The following UNC13C variants were observed in gnomAD, a reference collection of about 807,000 sequenced individuals.
UNC13C encodes the protein protein unc-13 homolog C.
UNC13C carries 174 observed loss-of-function variants against 245.4 expected under a neutral mutation model. The ratio of observed to expected loss-of-function variants is 0.71; its 90% CI spans 0.63 to 0.80. The LOEUF is 0.80. Among genes scored for constraint, UNC13C ranks in the 30% least tolerant of loss-of-function variants. UNC13C has a pLI of 0.00. For synonymous variants in UNC13C, 992 were observed against 895.1 expected (o/e 1.11, Z -1.93); for missense variants, 2,829 against 2,602.9 (o/e 1.09, Z -1.89).
At chr15:54,006,071 T>G (rs1366080506) in intron 1 of UNC13C, among the ~76,000 whole-genome samples, 5 of 152,144 alleles carry the variant, frequency 3.3e-5, no homozygotes, top group African/African-American at 1.2e-4. Flanking sequence ...TACTTCAGCA[T>G]CTCTGAGGCT....
chr15:54,026,076 ATTTAC>A (rs1045411136), intron 2 of UNC13C, among the ~76,000 whole-genome samples: 5 of 151,894 alleles, frequency 3.3e-5, no homozygotes, highest in African/African-American at 4.9e-5. Context: ...TAAAATGATA[ATTTAC>A]TTAATGTTTA....
In UNC13C at chr15:53,978,501, G is replaced by T. The variant is rs918995392; in HGVS notation, c.-683G>T. On this transcript the variant is annotated 5_prime_UTR_variant, in exon 1 of 33. Transcript: ENST00000260323. ...TTCCCAGCACGCACTCAGCCCGGCT[G>T]CTCCTCACCCTCAAATGTTGATGAG... Among the ~76,000 whole-genome samples, 1 of 152,192 alleles carries T rather than the reference G, an allele frequency of 6.6e-6. No individual in the cohort carries two copies. The highest frequency in any genetic ancestry group is 1.5e-5 in the Non-Finnish European group (1 of 68,024).
At chr15:54,258,837 G>C (rs1454415147) in intron 8 of UNC13C, among the ~76,000 whole-genome samples, 1 of 152,204 alleles carries the variant, frequency 6.6e-6, no homozygotes, top group Non-Finnish European at 1.5e-5. Flanking sequence ...AGAAGCTAAA[G>C]TTGAGAGAGA....
intron 29 of UNC13C, among the ~76,000 whole-genome samples, chr15:54,558,139 T>C (rs1030685836): frequency 1.3e-5 from 2 of 151,960 alleles, no homozygotes; most frequent in Non-Finnish European, 2.9e-5. Flanking sequence ...CATTGGGAGA[T>C]ATACCTAATG....
Position 54,264,337 on chromosome 15 carries a change from G to T in UNC13C, c.3618G>T (p.Ala1206=), listed in dbSNP as rs768570517. Residue 1206 remains alanine, a synonymous_variant, in exon 9 of 33, where the codon GCG becomes GCT. Transcript: ENST00000260323. ...SKEDFVQFTK[A]AKQSVLDGTS... ...AAGATTTTGTGCAGTTTACAAAGGC[G>T]GCCAAACAGAGTGTACTGGATGGGA... 17 of 1,606,530 alleles carry T rather than the reference G, an allele frequency of 1.1e-5. No homozygotes were observed. Among genetic ancestry groups the T allele is most frequent in the Non-Finnish European group, 1.7e-6 (2 of 1,176,298 alleles).
chr15:54,157,083 C>T (rs910456163), intron 4 of UNC13C, among the ~76,000 whole-genome samples: 1 of 152,178 alleles, frequency 6.6e-6, no homozygotes, highest in African/African-American at 2.4e-5. Context: ...GTTCCCCTCT[C>T]ACCAATTGAG....
At chr15:53,928,109 A>C in the UNC13C span, among the ~76,000 whole-genome samples, 1 of 139,062 alleles carries the variant, frequency 7.2e-6, no homozygotes, top group Non-Finnish European at 1.6e-5. Context: ...CGCTAGAGGA[A>C]TTAAAGACAC....
At chr15:54,394,222 C>T (rs918440585) in intron 18 of UNC13C, among the ~76,000 whole-genome samples, 7 of 151,874 alleles carry the variant, frequency 4.6e-5, no homozygotes, top group Non-Finnish European at 1.0e-4. Context: ...CTATTAACCA[C>T]CCATTTTCAA....
At chr15:54,426,779 G>A (rs1182808314) in intron 19 of UNC13C, among the ~76,000 whole-genome samples, 1 of 151,772 alleles carries the variant, frequency 6.6e-6, no homozygotes, top group African/African-American at 2.4e-5. Context: ...GCAACACTGA[G>A]CAATTGTTTT....
At chr15:54,250,749 C>CTTTTTT (rs1296024773) in intron 8 of UNC13C, among the ~76,000 whole-genome samples, 157 of 88,870 alleles carry the variant, frequency 1.8e-3, no homozygotes, top group Middle Eastern at 0.011. Flanking sequence ...TTCTTTCTTT[C>CTTTTTT]TTTTTTTTTT....
intron 10 of UNC13C, among the ~76,000 whole-genome samples, chr15:54,280,700 A>ATG (rs1372820374): frequency 1.5e-5 from 1 of 66,430 alleles, no homozygotes; most frequent in Non-Finnish European, 2.6e-5. Context: ...AAACATATGT[A>ATG]TACATACATA....
At chr15:54,395,562 A>G (rs181437867) in intron 18 of UNC13C, among the ~76,000 whole-genome samples, 9 of 152,014 alleles carry the variant, frequency 5.9e-5, no homozygotes, top group Non-Finnish European at 1.3e-4. Flanking sequence ...TCAATATGTG[A>G]AGGACATGCT....
At chr15:53,837,726 G>A in the UNC13C span, among the ~76,000 whole-genome samples, 7,920 of 152,168 alleles carry the variant, frequency 0.052, 469 homozygotes, top group Admixed American at 0.17. Flanking sequence ...CACTGGAATT[G>A]ATTTCTTGTG....
At chr15:54,218,815 T>A (rs993284114) in intron 4 of UNC13C, among the ~76,000 whole-genome samples, 8 of 151,926 alleles carry the variant, frequency 5.3e-5, no homozygotes, top group African/African-American at 1.9e-4. Flanking sequence ...GGGGGACAGA[T>A]GGCAAAACAT....
intron 4 of UNC13C, among the ~76,000 whole-genome samples, chr15:54,144,720 T>G (rs544136779): frequency 2.6e-4 from 40 of 152,324 alleles, no homozygotes; most frequent in Non-Finnish European, 4.4e-4. Context: ...GATGCAAATA[T>G]TTGAAAACAT....
At chr15:53,839,795 T>C in the UNC13C span, among the ~76,000 whole-genome samples, 1 of 152,104 alleles carries the variant, frequency 6.6e-6, no homozygotes, top group South Asian at 2.1e-4. Context: ...TTGGAAGTTA[T>C]ATATACTATT....
the UNC13C span, among the ~76,000 whole-genome samples, chr15:53,937,846 C>T: frequency 6.6e-6 from 1 of 152,112 alleles, no homozygotes. Flanking sequence ...AGGAATTTGT[C>T]ACCACTGGGC....
In UNC13C at chr15:54,533,069, A is replaced by G. The variant is rs1895833366; in HGVS notation, c.5696+3A>G. On this transcript the variant is annotated splice_donor_region_variant and intron_variant, in intron 26 of 32. Transcript: ENST00000260323. ...CTTATGGATTTTTTGGACAAAACGT[A>G]AGTTTTTTTGCCCAGTTTTCTCTTT... The G allele has an allele frequency of 1.3e-6, 2 of 1,583,626 alleles. No homozygotes were observed. Among genetic ancestry groups the G allele is most frequent in the Non-Finnish European group, 1.7e-6 (2 of 1,164,574 alleles).
intron 2 of UNC13C, among the ~76,000 whole-genome samples, chr15:54,118,677 T>A (rs375610052): frequency 8.5e-5 from 13 of 152,168 alleles, no homozygotes; most frequent in African/African-American, 3.1e-4. Flanking sequence ...TCCAGTATTA[T>A]ATTGGATAAA....
Sources: allele counts gnomAD v4.1 joint callset (sites outside exome capture counted in the v4.1 genomes callset), GRCh38; gene constraint gnomAD v4.1.1; transcripts MANE v1.5; gene names NCBI Gene and HGNC (gene_info 2026-07-23, HGNC 2026-07-21).